Variants in SDK1 observed in about 807,000 individuals in gnomAD.
SDK1 encodes protein sidekick-1.
SDK1 carries 157 observed loss-of-function variants against 245.5 expected under a neutral mutation model. The ratio of observed to expected loss-of-function variants is 0.64; its 90% CI spans 0.56 to 0.73. The LOEUF is 0.73. Ranked by LOEUF, SDK1 falls within the 30% of genes least tolerant of loss-of-function variation. The pLI, the probability that SDK1 is intolerant of heterozygous loss-of-function variation, is 0.00. For synonymous variants in SDK1, 1,647 were observed against 1,278.5 expected (o/e 1.29, Z -6.15); for missense variants, 3,583 against 3,002.3 (o/e 1.19, Z -4.52).
At chr7:3,434,167 C>G (rs908733065) in intron 1 of SDK1, among the ~76,000 whole-genome samples, 2 of 151,982 alleles carry the variant, frequency 1.3e-5, no homozygotes, top group Non-Finnish European at 2.9e-5. Context: ...TTTTTCCTCT[C>G]TTTTTGAAGG....
At chr7:4,241,706 G>C in intron 42 of SDK1, 87 bp from the exon 43 acceptor site, 3 of 1,548,524 alleles carry the variant, frequency 1.9e-6, no homozygotes, top group Non-Finnish European at 2.6e-6. Context: ...GGACTCAGGA[G>C]CTGCCCCGCT....
intron 28 of SDK1, among the ~76,000 whole-genome samples, chr7:4,138,325 C>T (rs1311453835): frequency 6.6e-6 from 1 of 152,214 alleles, no homozygotes; most frequent in Non-Finnish European, 1.5e-5. Flanking sequence ...CACTATTAAA[C>T]AGTCATTAAA....
intron 7 of SDK1, among the ~76,000 whole-genome samples, chr7:3,956,895 C>T (rs993850771): frequency 6.6e-6 from 1 of 152,262 alleles, no homozygotes; most frequent in African/African-American, 2.4e-5. Context: ...CCAGCGAGGT[C>T]CCTTCCTGGC....
At chr7:3,733,031 G>A (rs548127603) in intron 4 of SDK1, among the ~76,000 whole-genome samples, 1 of 152,300 alleles carries the variant, frequency 6.6e-6, no homozygotes, top group South Asian at 2.1e-4. Context: ...ACGTTGACAA[G>A]TGACTTCATC....
chr7:3,777,710 A>C (rs1780607983), intron 4 of SDK1, among the ~76,000 whole-genome samples: 1 of 152,176 alleles, frequency 6.6e-6, no homozygotes, highest in African/African-American at 2.4e-5. Context: ...GCCACACCAC[A>C]CTGCCCATCT....
chr7:4,116,559 T>C (rs1470993553), intron 25 of SDK1, among the ~76,000 whole-genome samples: 2 of 152,248 alleles, frequency 1.3e-5, no homozygotes, highest in African/African-American at 4.8e-5. Flanking sequence ...TGTAGGTTAC[T>C]GTAATGCACA....
intron 1 of SDK1, among the ~76,000 whole-genome samples, chr7:3,585,580 T>A (rs543240135): frequency 6.6e-6 from 1 of 151,730 alleles, no homozygotes; most frequent in Non-Finnish European, 1.5e-5. Flanking sequence ...AGGAAGAGGG[T>A]CATGAAGAAG....
chr7:3,385,672 A>G (rs1781593481), intron 1 of SDK1, among the ~76,000 whole-genome samples: 1 of 152,268 alleles, frequency 6.6e-6, no homozygotes, highest in Middle Eastern at 3.4e-3. Flanking sequence ...CAGCCCCCGT[A>G]TGTATCTCTT....
chr7:3,637,074 A>T (rs868790988), intron 2 of SDK1, among the ~76,000 whole-genome samples: 2 of 138,542 alleles, frequency 1.4e-5, no homozygotes, highest in Non-Finnish European at 3.1e-5. Flanking sequence ...AGAGAGAGAG[A>T]GTGCGTGCGC....
intron 1 of SDK1, among the ~76,000 whole-genome samples, chr7:3,514,281 G>T (rs1264833879): frequency 1.3e-5 from 2 of 152,144 alleles, no homozygotes; most frequent in South Asian, 2.1e-4. Context: ...ACAGTCTCCT[G>T]TTATTTCTTG....
intron 31 of SDK1, among the ~76,000 whole-genome samples, chr7:4,161,083 A>G (rs564154890): frequency 7.9e-5 from 12 of 152,248 alleles, no homozygotes; most frequent in Admixed American, 4.6e-4. Flanking sequence ...GTTCAGCTCA[A>G]TATGCCAAGA....
At chr7:4,125,306 T>G (rs1784320184) in intron 25 of SDK1, among the ~76,000 whole-genome samples, 1 of 147,380 alleles carries the variant, frequency 6.8e-6, no homozygotes, top group African/African-American at 2.5e-5. Context: ...GATGGAGGAA[T>G]GAATCGATGG....
intron 1 of SDK1, among the ~76,000 whole-genome samples, chr7:3,308,749 G>A (rs1779480382): frequency 6.6e-6 from 1 of 152,082 alleles, no homozygotes; most frequent in South Asian, 2.1e-4. Flanking sequence ...ATTAGTCTTT[G>A]TGCAGTGTTT....
At position 4,101,211 on chromosome 7, in the gene SDK1, C is replaced by T. The variant is rs575792471; in HGVS notation, c.3325-9452C>T. Among the ~76,000 whole-genome samples, 81 of 149,338 alleles carry T rather than the reference C, an allele frequency of 5.4e-4. 1 individual carries two copies. Among genetic ancestry groups the T allele is most frequent in the African/African-American group, 1.7e-3 (69 of 40,248 alleles). On this transcript the variant is annotated intron_variant, in intron 22 of 44. Transcript: ENST00000404826. ...TCACCCAGGCTGGAGTGCAGTGGTG[C>T]GATCTCGGCAAGCTCCGCCTCCCGG...
At chr7:4,242,092 G>C (rs939186929) in intron 43 of SDK1, among the ~76,000 whole-genome samples, 179 bp downstream of exon 43, 1 of 152,184 alleles carries the variant, frequency 6.6e-6, no homozygotes, top group Non-Finnish European at 1.5e-5. Context: ...AGGAGGGACG[G>C]GGTCGGCAGA....
At chr7:3,505,725 G>C (rs1174055511) in intron 1 of SDK1, among the ~76,000 whole-genome samples, 1 of 152,078 alleles carries the variant, frequency 6.6e-6, no homozygotes, top group East Asian at 1.9e-4. Flanking sequence ...ACCAAAAGTG[G>C]CTCAAAAATA....
intron 4 of SDK1, among the ~76,000 whole-genome samples, chr7:3,806,173 T>G (rs1779238120): frequency 6.6e-6 from 1 of 152,244 alleles, no homozygotes; most frequent in South Asian, 2.1e-4. Flanking sequence ...GCTGGGACTT[T>G]GTCTCACATG....
At chr7:3,735,609 T>C (rs10242629) in intron 4 of SDK1, among the ~76,000 whole-genome samples, 4,162 of 152,320 alleles carry the variant, frequency 0.027, 79 homozygotes, top group African/African-American at 0.055. Context: ...CTATTGTGAA[T>C]GATGCCGTTA....
At position 4,004,939 on chromosome 7, in the gene SDK1, C is replaced by T. The variant is rs191633712; in HGVS notation, c.2132-6027C>T. Among the ~76,000 whole-genome samples the T allele has an allele frequency of 8.4e-4, 128 of 151,990 alleles. 1 individual carries two copies. The highest frequency in any genetic ancestry group is 3.0e-3 in the African/African-American group (123 of 41,448). ...TCCACAAAACCCCCTTCTACCTCCC[C>T]GCTTCCTGCTTGGGCAGAGTCCATG... On this transcript the variant is annotated intron_variant, in intron 14 of 44. Transcript: ENST00000404826.
Sources: allele counts gnomAD v4.1 joint callset (sites outside exome capture counted in the v4.1 genomes callset), GRCh38; gene constraint gnomAD v4.1.1; transcripts MANE v1.5; gene names NCBI Gene and HGNC (gene_info 2026-07-23, HGNC 2026-07-21).